Variants in ADGRL2 observed in about 807,000 individuals in gnomAD.
ADGRL2 encodes calcium-independent alpha-latrotoxin receptor 2.
In ADGRL2, 44 loss-of-function variants were observed where a neutral mutation model predicts 157.4. That is an observed-to-expected ratio of 0.28 (90% confidence interval 0.22 to 0.36). ADGRL2 has a LOEUF of 0.36. ADGRL2 is among the 10% of genes least tolerant of loss of function. The probability of loss-of-function intolerance (pLI) is 1.00; values close to 1 mark genes in which losing one functional copy is unlikely to be tolerated. For synonymous variants in ADGRL2, 585 were observed against 624.7 expected (o/e 0.94, Z 0.95); for missense variants, 1,510 against 1,768.9 (o/e 0.85, Z 2.63).
At chr1:81,670,169 T>C (rs1185422382) in intron 3 of ADGRL2, among the ~76,000 whole-genome samples, 1 of 152,208 alleles carries the variant, frequency 6.6e-6, no homozygotes, top group Non-Finnish European at 1.5e-5. Flanking sequence ...CTATATACTT[T>C]CTTTCAAAAA....
At chr1:81,715,013 A>G (rs2149095729) in intron 1 of ADGRL2, among the ~76,000 whole-genome samples, 1 of 152,032 alleles carries the variant, frequency 6.6e-6, no homozygotes, top group East Asian at 1.9e-4. Flanking sequence ...TGCTTTGTTC[A>G]GACATTTTTT....
chr1:81,745,442 T>C (rs956990897), intron 1 of ADGRL2, among the ~76,000 whole-genome samples: 2 of 152,140 alleles, frequency 1.3e-5, no homozygotes, highest in African/African-American at 4.8e-5. Context: ...GGGTATTAGG[T>C]TGAAACAGAG....
At chr1:81,877,678 T>G (rs751534639) in intron 2 of ADGRL2, among the ~76,000 whole-genome samples, 19 of 144,136 alleles carry the variant, frequency 1.3e-4, no homozygotes, top group Non-Finnish European at 2.6e-4. Context: ...GGGGGGAGGT[T>G]GTTGTTTGCT....
intron 2 of ADGRL2, among the ~76,000 whole-genome samples, chr1:81,564,252 A>G (rs2080509157): frequency 6.6e-6 from 1 of 152,188 alleles, no homozygotes; most frequent in Admixed American, 6.5e-5. Context: ...TTACCCCCAG[A>G]ACTTAACAGC....
At chr1:81,873,120 A>G (rs983993243) in intron 2 of ADGRL2, among the ~76,000 whole-genome samples, 1 of 152,072 alleles carries the variant, frequency 6.6e-6, no homozygotes, top group Non-Finnish European at 1.5e-5. Context: ...CCACCTACCT[A>G]TTTCCAAGAT....
intron 2 of ADGRL2, among the ~76,000 whole-genome samples, chr1:81,446,917 A>G (rs2077607714): frequency 6.6e-6 from 1 of 152,146 alleles, no homozygotes; most frequent in Admixed American, 6.6e-5. Context: ...TTTTCTTTTA[A>G]TAACTAAAAT....
chr1:81,679,894 G>T (rs936090608), intron 3 of ADGRL2, among the ~76,000 whole-genome samples: 1 of 152,082 alleles, frequency 6.6e-6, no homozygotes, highest in Non-Finnish European at 1.5e-5. Context: ...CTCGTAAAAT[G>T]GTTCTTGGGA....
At chr1:81,901,265 C>A (rs1204736649) in intron 2 of ADGRL2, among the ~76,000 whole-genome samples, 1 of 151,976 alleles carries the variant, frequency 6.6e-6, no homozygotes, top group Non-Finnish European at 1.5e-5. Flanking sequence ...GTAAAACTAT[C>A]TTGGAGAATT....
intron 1 of ADGRL2, among the ~76,000 whole-genome samples, chr1:81,407,802 G>T (rs575610267): frequency 2.0e-5 from 3 of 152,158 alleles, no homozygotes; most frequent in African/African-American, 7.2e-5. Context: ...AGGGGAAGGA[G>T]AAAAGAAGGG....
intron 3 of ADGRL2, among the ~76,000 whole-genome samples, chr1:81,932,212 C>G (rs979737477): frequency 9.2e-5 from 14 of 151,958 alleles, no homozygotes; most frequent in African/African-American, 3.1e-4. Context: ...TTTAGTGTTT[C>G]GTTAGCACAT....
At chr1:81,944,786 G>C (rs1444129222) in intron 6 of ADGRL2, among the ~76,000 whole-genome samples, 2 of 151,902 alleles carry the variant, frequency 1.3e-5, no homozygotes, top group Admixed American at 1.3e-4. Context: ...TTCTCTTAAA[G>C]CAATGCAAGT....
intron 1 of ADGRL2, among the ~76,000 whole-genome samples, chr1:81,801,456 C>G (rs941444114): frequency 1.3e-5 from 2 of 152,210 alleles, no homozygotes; most frequent in African/African-American, 4.8e-5. Flanking sequence ...TCTCTCCGCT[C>G]ACACACACGC....
rs140089649 is a variant in ADGRL2 at position 81,757,632 on chromosome 1, GTC to G, written c.-142-4175_-142-4174del. On this transcript the variant is annotated intron_variant, in intron 1 of 20. Transcript: ENST00000359929. ...TCTTCCATCACGTGGCTACACTGGA[GTC>G]TCTGTGAATCTGCTGTGAATCTAGG... Among the ~76,000 whole-genome samples the G allele has an allele frequency of 2.4e-3, 370 of 152,326 alleles. 8 individuals carry two copies. In the South Asian group the frequency reaches 0.041, roughly 17 times the overall value.
At chr1:81,659,268 G>C (rs2082603708) in intron 3 of ADGRL2, among the ~76,000 whole-genome samples, 1 of 151,514 alleles carries the variant, frequency 6.6e-6, no homozygotes, top group Non-Finnish European at 1.5e-5. Context: ...CACTATGTTG[G>C]CCAAGCTGGT....
At chr1:81,796,920 T>C (rs889026361), upstream of ADGRL2, among the ~76,000 whole-genome samples, 1 of 152,206 alleles carries the variant, frequency 6.6e-6, no homozygotes, top group African/African-American at 2.4e-5. Flanking sequence ...GGAGAATAGC[T>C]AAAACCTTAC....
intron 3 of ADGRL2, among the ~76,000 whole-genome samples, chr1:81,911,290 A>G (rs1287618865): frequency 6.6e-6 from 1 of 152,140 alleles, no homozygotes; most frequent in African/African-American, 2.4e-5. Context: ...AACAGTCACC[A>G]TTTAGTACTC....
intron 1 of ADGRL2, among the ~76,000 whole-genome samples, chr1:81,801,725 G>C (rs2088181761): frequency 6.6e-6 from 1 of 152,168 alleles, no homozygotes; most frequent in South Asian, 2.1e-4. Context: ...ATTCCGGCCG[G>C]GCGCTCGGGG....
chr1:81,502,317 A>C, intron 2 of ADGRL2: 1 of 1,614,050 alleles, frequency 6.2e-7, no homozygotes, highest in Non-Finnish European at 8.5e-7. Flanking sequence ...TGGAATCTGG[A>C]TGAGCAGCTC....
At chr1:81,432,668 C>A (rs188916055) in intron 1 of ADGRL2, among the ~76,000 whole-genome samples, 3 of 152,160 alleles carry the variant, frequency 2.0e-5, no homozygotes, top group African/African-American at 4.8e-5. Flanking sequence ...TCCTGCCCCC[C>A]TCCTCGGCGC....
Sources: gnomAD v4.1 joint callset for allele counts (sites outside exome capture counted in the v4.1 genomes callset) on GRCh38, gnomAD v4.1.1 for gene constraint, MANE v1.5 for transcripts, NCBI Gene and HGNC (gene_info 2026-07-23, HGNC 2026-07-21) for gene names.